Variants in ILDR1 observed in about 807,000 individuals in gnomAD.
The protein encoded by ILDR1 is immunoglobulin-like domain-containing receptor 1.
ILDR1 carries 56 observed loss-of-function variants against 62.4 expected under a neutral mutation model. The ratio of observed to expected loss-of-function variants is 0.90; its 90% confidence interval spans 0.72 to 1.12. The LOEUF (loss-of-function observed/expected upper bound fraction) is 1.12, where lower values mean the gene tolerates loss of function less well. Ranked by LOEUF, ILDR1 falls within the 50% of genes most tolerant of loss-of-function variation. The pLI is 0.00. For missense variants in ILDR1, 736 were observed against 710.6 expected, an observed-to-expected ratio of 1.04 and a Z score of -0.41; for synonymous variants, 284 against 277.8, an observed-to-expected ratio of 1.02 and a Z score of -0.22.
At chr3:122,027,166 C>T (rs1455291542), upstream of ILDR1, among the ~76,000 whole-genome samples, 1 of 152,056 alleles carries the variant, frequency 6.6e-6, no homozygotes, top group Non-Finnish European at 1.5e-5. Flanking sequence ...TAGTATCAAG[C>T]CAGCATTCTC....
chr3:122,061,552 A>G, the ILDR1 span, among the ~76,000 whole-genome samples: 15 of 152,362 alleles, frequency 9.8e-5, no homozygotes, highest in East Asian at 1.2e-3. Flanking sequence ...GGCAAAAGAT[A>G]TAAAAAGACA....
chr3:122,021,955 G>GGCCAC, intron 1 of ILDR1, 65 bp downstream of exon 1: 1 of 1,507,330 alleles, frequency 6.6e-7, no homozygotes. Context: ...AGCTCTGCAA[G>GGCCAC]GCCACGCCAC....
At chr3:122,018,713 G>A (rs2071813553) in intron 1 of ILDR1, among the ~76,000 whole-genome samples, 1 of 152,066 alleles carries the variant, frequency 6.6e-6, no homozygotes, top group Non-Finnish European at 1.5e-5. Flanking sequence ...GGCTGGGAGG[G>A]GAAGATAAAG....
At chr3:122,028,335 C>CAAAAAAA in the ILDR1 span, among the ~76,000 whole-genome samples, 1 of 95,510 alleles carries the variant, frequency 1.0e-5, no homozygotes. Flanking sequence ...GACTCCATCT[C>CAAAAAAA]AAAAAAAAAA....
rs775202902 is a variant in ILDR1 at position 121,988,356 on chromosome 3, G to A, written c.*11C>T. 1.9e-6 allele frequency: 3 copies of A among 1,612,194 alleles called. No individual in the cohort carries two copies. Among genetic ancestry groups the A allele is most frequent in the Admixed American group, 3.3e-5 (2 of 60,010 alleles). ...GAGAAGTAGCCACAGAAGTTGTGCT[G>A]TGCTTGGTGACTAAATGACCACACT... On this transcript the variant is annotated 3_prime_UTR_variant, in exon 8 of 8. Transcript: ENST00000344209.
At chr3:122,022,440 A>G (rs2071876222), upstream of ILDR1, among the ~76,000 whole-genome samples, 1 of 152,178 alleles carries the variant, frequency 6.6e-6, no homozygotes, top group Non-Finnish European at 1.5e-5. Flanking sequence ...GTTCTCGGGA[A>G]ATCTCATCCC....
At chr3:122,002,676 A>G (rs34188827) in intron 3 of ILDR1, among the ~76,000 whole-genome samples, 19,260 of 151,902 alleles carry the variant, frequency 0.13, 1,381 homozygotes, top group Middle Eastern at 0.23. Context: ...ACAGGTAAAC[A>G]TGTGCCATGG....
At chr3:122,028,103 A>G in the ILDR1 span, among the ~76,000 whole-genome samples, 995 of 152,140 alleles carry the variant, frequency 6.5e-3, 8 homozygotes, top group African/African-American at 0.023. Context: ...CAAGGCGGGC[A>G]GATCACTAGG....
At position 121,987,990 on chromosome 3, in the gene ILDR1, G is replaced by A. The variant is rs999114876; in HGVS notation, c.*377C>T. 2 of 354,398 alleles carry A rather than the reference G, an allele frequency of 5.6e-6. No homozygotes were observed. Among genetic ancestry groups the A allele is most frequent in the East Asian group, 7.3e-5 (1 of 13,752 alleles). 22.0% of individuals were successfully genotyped at this position (354,398 alleles called of 1,614,324 possible). A position where few individuals can be genotyped will look rare whatever the true frequency, so the allele number is the denominator to read the frequency against. On this transcript the variant is annotated 3_prime_UTR_variant, in exon 8 of 8. Transcript: ENST00000344209. ...TGTGATCATGGGATCCTGGCTCATT[G>A]CAGCCTTGCACTCCTGGGCTCAAGG...
At chr3:122,036,071 C>T in the ILDR1 span, among the ~76,000 whole-genome samples, 2 of 152,164 alleles carry the variant, frequency 1.3e-5, no homozygotes, top group Non-Finnish European at 2.9e-5. Flanking sequence ...TTATTGGGAA[C>T]TGGAGTAAAG....
At position 121,993,765 on chromosome 3, in the gene ILDR1, T is replaced by A; in HGVS notation, c.984A>T (p.Arg328Ser). The A allele has an allele frequency of 6.2e-7, 1 of 1,614,122 alleles. No homozygotes were observed. The highest frequency in any genetic ancestry group is 8.5e-7 in the Non-Finnish European group (1 of 1,180,000). Residue 328 changes from arginine to serine, a missense_variant, in exon 7 of 8, where the codon AGA (arginine) becomes AGT (serine). Coordinates refer to ENST00000344209, the MANE Select transcript of ILDR1 (RefSeq NM_001199799.2). ...SSLGSEVVER[R>S]IIHLPPLIRD... ...TGATCAGTGGGGGCAGGTGGATGATTCTGCGTTCCACGACCTCAGAGCCCA... is the reference window on the plus strand; with the variant it reads ...TGATCAGTGGGGGCAGGTGGATGATACTGCGTTCCACGACCTCAGAGCCCA...
In ILDR1 at chr3:122,001,738, C is replaced by CA. The variant is rs1191401918; in HGVS notation, c.499+6dup. On this transcript the variant is annotated splice_region_variant and intron_variant, in intron 4 of 7. Coordinates refer to ENST00000344209, the MANE Select transcript of ILDR1 (RefSeq NM_001199799.2). ...GTGACTGAATAGAAAGCTCCAGTAG[C>CA]ACTTACGTAGGACGATGAGCTTTAC... The CA allele has an allele frequency of 6.2e-7, 1 of 1,612,158 alleles. No individual in the cohort carries two copies. Among genetic ancestry groups the CA allele is most frequent in the African/African-American group, 1.3e-5 (1 of 74,438 alleles).
upstream of ILDR1, chr3:122,025,350 T>A (rs1203052927): frequency 6.6e-6 from 1 of 152,240 alleles, no homozygotes; most frequent in African/African-American, 2.4e-5. Context: ...CAATAATTTG[T>A]ACTGAACAGC....
chr3:122,030,871 C>T, the ILDR1 span, among the ~76,000 whole-genome samples: 1 of 152,292 alleles, frequency 6.6e-6, no homozygotes, highest in African/African-American at 2.4e-5. Flanking sequence ...TAATCTGCAG[C>T]CAGAGCTGAG....
chr3:122,047,495 C>T, the ILDR1 span, among the ~76,000 whole-genome samples: 8 of 152,354 alleles, frequency 5.3e-5, no homozygotes, highest in African/African-American at 1.4e-4. Context: ...TGGGCAATGG[C>T]GGGCGCCCCT....
chr3:121,994,328 G>C lies in ILDR1; in HGVS notation c.647-15C>G. On this transcript the variant is annotated splice_polypyrimidine_tract_variant and intron_variant, in intron 5 of 7. Transcript: ENST00000344209. ...GCGGGCCAGGGCTGCAGGGAAAGAA[G>C]GAGAAATGCAGGCCCTCAGCCAGGG... 1 of 1,529,030 alleles carries C rather than the reference G, an allele frequency of 6.5e-7. No homozygotes were observed. Among genetic ancestry groups the C allele is most frequent in the Non-Finnish European group, 8.8e-7 (1 of 1,141,816 alleles). 94.7% of individuals were successfully genotyped at this position (1,529,030 alleles called of 1,614,324 possible). A position where few individuals can be genotyped will look rare whatever the true frequency, so the allele number is the denominator to read the frequency against.
Position 121,990,040 on chromosome 3 carries a change from T to A in ILDR1, c.1600-1632A>T, listed in dbSNP as rs16832643. ...TTTAGGAAAATAGTGATACATCTTA[T>A]CAACTCAAGCAGTAAACAGGAACTT... On this transcript the variant is annotated intron_variant, in intron 7 of 7. Coordinates refer to ENST00000344209, the MANE Select transcript of ILDR1 (RefSeq NM_001199799.2). Among the ~76,000 whole-genome samples, 324 of 152,294 alleles carry A rather than the reference T, an allele frequency of 2.1e-3. 3 individuals carry two copies. Among genetic ancestry groups the A allele is most frequent in the African/African-American group, 7.2e-3 (301 of 41,568 alleles).
At chr3:122,047,729 C>T in the ILDR1 span, among the ~76,000 whole-genome samples, 2 of 152,254 alleles carry the variant, frequency 1.3e-5, no homozygotes, top group Non-Finnish European at 2.9e-5. Context: ...CTCCCTGACC[C>T]CTTGCACTTC....
the ILDR1 span, among the ~76,000 whole-genome samples, chr3:122,036,490 G>A: frequency 1.3e-5 from 2 of 151,922 alleles, no homozygotes; most frequent in Admixed American, 1.3e-4. Context: ...TCAGGAGGCT[G>A]AGGCAGGAGA....
Sources: allele counts gnomAD v4.1 joint callset (sites outside exome capture counted in the v4.1 genomes callset), GRCh38; gene constraint gnomAD v4.1.1; transcripts MANE v1.5; gene names NCBI Gene and HGNC (gene_info 2026-07-23, HGNC 2026-07-21).